PPARGC1A: variants seen among roughly 807,000 people sequenced by gnomAD.
PPARGC1A encodes peroxisome proliferator-activated receptor gamma coactivator 1-alpha.
A neutral mutation model predicts 88.7 loss-of-function variants in PPARGC1A; 25 were observed. That is an observed-to-expected ratio of 0.28 (90% CI 0.21 to 0.39). The LOEUF (loss-of-function observed/expected upper bound fraction) is 0.39, where lower values mean the gene tolerates loss of function less well. PPARGC1A is among the 10% of genes least tolerant of loss of function. The probability of loss-of-function intolerance (pLI) is 1.00; values close to 1 mark genes in which losing one functional copy is unlikely to be tolerated. For synonymous variants in PPARGC1A, 363 were observed against 355.6 expected, an observed-to-expected ratio of 1.02 and a Z score of -0.24; for missense variants, 880 against 968.7, an observed-to-expected ratio of 0.91 and a Z score of 1.22.
intron 2 of PPARGC1A, among the ~76,000 whole-genome samples, chr4:23,859,657 T>A (rs1450228341): frequency 6.6e-6 from 1 of 151,736 alleles, no homozygotes; most frequent in Middle Eastern, 3.2e-3. Context: ...GGCGGGCGCC[T>A]GTAATCCCAG....
the PPARGC1A span, among the ~76,000 whole-genome samples, chr4:24,093,748 G>A: frequency 2.6e-5 from 4 of 152,178 alleles, no homozygotes; most frequent in Admixed American, 6.5e-5. Context: ...GGCAGCACAC[G>A]AGTGGTTCGA....
the PPARGC1A span, among the ~76,000 whole-genome samples, chr4:24,064,032 G>T: frequency 3.9e-5 from 6 of 152,106 alleles, no homozygotes; most frequent in African/African-American, 1.4e-4. Flanking sequence ...TTGGCCAGAC[G>T]CCCACATCTG....
At chr4:24,109,298 TACACACACACAC>T in the PPARGC1A span, among the ~76,000 whole-genome samples, 2,689 of 131,856 alleles carry the variant, frequency 0.02, 89 homozygotes, top group African/African-American at 0.072. Flanking sequence ...CATTTCATTA[TACACACACACAC>T]ACACACACAC....
At chr4:24,231,318 G>A in the PPARGC1A span, among the ~76,000 whole-genome samples, 1 of 152,116 alleles carries the variant, frequency 6.6e-6, no homozygotes. Context: ...CTCAGCTCTG[G>A]GCTCAGTCAT....
the PPARGC1A span, among the ~76,000 whole-genome samples, chr4:24,271,780 T>A: frequency 1.2e-4 from 18 of 152,136 alleles, no homozygotes; most frequent in Admixed American, 1.1e-3. Flanking sequence ...GTACCTACCT[T>A]GGAGGGGTAT....
chr4:24,310,492 A>G, the PPARGC1A span, among the ~76,000 whole-genome samples: 1 of 152,194 alleles, frequency 6.6e-6, no homozygotes, highest in Non-Finnish European at 1.5e-5. Flanking sequence ...GAAGAGAGAG[A>G]GAAAAAACTG....
At chr4:24,462,922 T>A in the PPARGC1A span, among the ~76,000 whole-genome samples, 4 of 151,762 alleles carry the variant, frequency 2.6e-5, no homozygotes, top group Admixed American at 2.0e-4. Context: ...TGTCACCCCC[T>A]CCACCTTCAC....
chr4:24,155,411 C>T, the PPARGC1A span, among the ~76,000 whole-genome samples: 1 of 151,532 alleles, frequency 6.6e-6, no homozygotes. Flanking sequence ...CAGCTTGAGC[C>T]CAAGAGTTGG....
chr4:24,195,477 C>A, the PPARGC1A span, among the ~76,000 whole-genome samples: 1 of 152,172 alleles, frequency 6.6e-6, no homozygotes, highest in African/African-American at 2.4e-5. Flanking sequence ...ATTGTACATA[C>A]TCCTTGAGTC....
chr4:24,156,287 C>T, the PPARGC1A span, among the ~76,000 whole-genome samples: 2 of 152,114 alleles, frequency 1.3e-5, no homozygotes, highest in Non-Finnish European at 2.9e-5. Context: ...ATATCCACCC[C>T]CGGGTGTTTC....
chr4:24,149,799 C>CTA, the PPARGC1A span, among the ~76,000 whole-genome samples: 1 of 152,176 alleles, frequency 6.6e-6, no homozygotes, highest in Admixed American at 6.5e-5. Context: ...CTGCATTAAG[C>CTA]TAGTTATGAA....
chr4:24,208,732 C>A, the PPARGC1A span, among the ~76,000 whole-genome samples: 39 of 147,632 alleles, frequency 2.6e-4, 1 homozygote, highest in Non-Finnish European at 5.9e-5. Flanking sequence ...TACAGTAATA[C>A]GTATAATTCA....
At chr4:23,810,640 T>C (rs1195445155) in intron 10 of PPARGC1A, among the ~76,000 whole-genome samples, 1 of 152,230 alleles carries the variant, frequency 6.6e-6, no homozygotes, top group African/African-American at 2.4e-5. Context: ...GATTAAAATA[T>C]TAATCTGGCT....
the PPARGC1A span, among the ~76,000 whole-genome samples, chr4:24,052,868 TTTTTTTTTTTTTTGAGATGGAGTCTCAC>T: frequency 7.9e-6 from 1 of 126,006 alleles, no homozygotes; most frequent in South Asian, 2.9e-4. Flanking sequence ...TTTTTTTTTT[TTTTTTTTTTTTTTGAGATGGAGTCTCAC>T]TCTCTCACCC....
chr4:24,216,186 C>T, the PPARGC1A span, among the ~76,000 whole-genome samples: 1 of 146,570 alleles, frequency 6.8e-6, no homozygotes, highest in East Asian at 2.0e-4. Flanking sequence ...CTCTCCCTGT[C>T]GCCCAGACCG....
intron 2 of PPARGC1A, 103 bp downstream of exon 2, chr4:23,884,649 G>T: frequency 1.0e-6 from 1 of 978,966 alleles, no homozygotes; most frequent in Non-Finnish European, 1.4e-6. Flanking sequence ...GTCTTTTGAT[G>T]ATAGCAAAGT....
the PPARGC1A span, among the ~76,000 whole-genome samples, chr4:24,037,179 T>C: frequency 6.6e-6 from 1 of 152,232 alleles, no homozygotes; most frequent in East Asian, 1.9e-4. Flanking sequence ...TGTTCTGTCA[T>C]TTACTAACCT....
intron 12 of PPARGC1A, among the ~76,000 whole-genome samples, chr4:23,800,160 CCTT>C (rs1163338721): frequency 6.6e-5 from 10 of 152,070 alleles, no homozygotes; most frequent in African/African-American, 2.4e-4. Context: ...GTATTTGTTT[CCTT>C]CTTTTTACCA....
the PPARGC1A span, among the ~76,000 whole-genome samples, chr4:23,936,095 C>G: frequency 2.0e-5 from 3 of 152,052 alleles, no homozygotes; most frequent in Admixed American, 6.6e-5. Flanking sequence ...AATTTTATTT[C>G]ATTTTAAATA....
Sources: gnomAD v4.1 joint callset for allele counts (sites outside exome capture counted in the v4.1 genomes callset) on GRCh38, gnomAD v4.1.1 for gene constraint, MANE v1.5 for transcripts, NCBI Gene and HGNC (gene_info 2026-07-23, HGNC 2026-07-21) for gene names.